Variants in IPCEF1 observed in about 807,000 individuals in gnomAD.
IPCEF1 encodes interactor protein for cytohesin exchange factors 1.
IPCEF1 carries 31 observed loss-of-function variants against 50.9 expected under a neutral mutation model. The ratio of observed to expected loss-of-function variants is 0.61; its 90% CI spans 0.46 to 0.82. IPCEF1 has a LOEUF of 0.82. Among genes scored for constraint, IPCEF1 ranks in the 40% least tolerant of loss-of-function variants. The pLI is 0.00. For missense variants in IPCEF1, 458 were observed against 514.0 expected (o/e 0.89, Z 1.05); for synonymous variants, 181 against 192.0 (o/e 0.94, Z 0.47).
intron 1 of IPCEF1, among the ~76,000 whole-genome samples, chr6:154,322,852 A>G (rs1475098182): frequency 6.6e-6 from 1 of 152,090 alleles, no homozygotes; most frequent in African/African-American, 2.4e-5. Context: ...AAAAAAAATT[A>G]TCTCGAAAGA....
Position 154,249,838 on chromosome 6 carries a change from C to G in IPCEF1, c.37-2350G>C, listed in dbSNP as rs548856633. On this transcript the variant is annotated intron_variant, in intron 3 of 11. Coordinates refer to ENST00000367220, the MANE Select transcript of IPCEF1 (RefSeq NM_001130700.2). ...GCCCAAGACCAACCCTTGGTCTACA[C>G]CACGTTCTTATGCCTAGGATGGGAT... is the stretch of plus-strand genomic sequence containing the variant. Among the ~76,000 whole-genome samples the G allele has an allele frequency of 2.6e-5, 4 of 151,958 alleles. No homozygotes were observed. The South Asian group carries it at 8.3e-4, about 32-fold the overall frequency.
intron 1 of IPCEF1, among the ~76,000 whole-genome samples, chr6:154,342,451 C>T (rs183288465): frequency 6.9e-4 from 105 of 152,332 alleles, no homozygotes; most frequent in African/African-American, 2.5e-3. Flanking sequence ...TCCCTACATG[C>T]CTTCCCCCTT....
chr6:154,333,700 C>T (rs559114958), intron 1 of IPCEF1, among the ~76,000 whole-genome samples: 13 of 148,018 alleles, frequency 8.8e-5, no homozygotes, highest in African/African-American at 2.5e-4. Context: ...ATATATAGTG[C>T]GTTTGTGTAT....
intron 7 of IPCEF1, 65 bp downstream of exon 7, chr6:154,221,192 C>A: frequency 8.9e-7 from 1 of 1,128,456 alleles, no homozygotes; most frequent in Non-Finnish European, 1.3e-6. Context: ...ATTAGAATTC[C>A]AGTACCAGGC....
Position 154,188,539 on chromosome 6 carries a change from C to T in IPCEF1, c.910+11129G>A, listed in dbSNP as rs555204021. ...GTGTGGGTAATTTCACTGGGTGATT[C>T]TAAAAGGTATATGGAGGTTAAAATG... On this transcript the variant is annotated intron_variant, in intron 10 of 11. Coordinates refer to ENST00000367220, the MANE Select transcript of IPCEF1 (RefSeq NM_001130700.2). 2.0e-5 allele frequency among the ~76,000 whole-genome samples: 3 copies of T among 152,258 alleles called. No homozygotes were observed. In the East Asian group the frequency reaches 5.8e-4, roughly 29 times the overall value.
intron 10 of IPCEF1, among the ~76,000 whole-genome samples, chr6:154,192,159 T>C (rs1394561551): frequency 6.6e-6 from 1 of 152,238 alleles, no homozygotes; most frequent in Non-Finnish European, 1.5e-5. Context: ...GATGTATGCC[T>C]ATCTTCAACT....
chr6:154,220,151 G>A (rs1324914885), intron 7 of IPCEF1, among the ~76,000 whole-genome samples: 2 of 152,164 alleles, frequency 1.3e-5, no homozygotes, highest in Non-Finnish European at 2.9e-5. Flanking sequence ...CAGGTTAAGC[G>A]TAAGCTCTGT....
chr6:154,232,437 A>G (rs1779796862), intron 5 of IPCEF1, among the ~76,000 whole-genome samples: 1 of 152,190 alleles, frequency 6.6e-6, no homozygotes, highest in Non-Finnish European at 1.5e-5. Flanking sequence ...CACAGCCTTA[A>G]GAGGAAAATT....
Position 154,278,899 on chromosome 6 carries a change from G to A in IPCEF1, c.-18+10814C>T, listed in dbSNP as rs112596790. 7.7e-3 allele frequency among the ~76,000 whole-genome samples: 1,153 copies of A among 150,336 alleles called. 21 individuals carry two copies. Among genetic ancestry groups the A allele is most frequent in the African/African-American group, 0.027 (1,105 of 40,828 alleles). On this transcript the variant is annotated intron_variant, in intron 2 of 11. Transcript: ENST00000367220. ...GGGAGGCTATGGTGGTGGATTGCTGGAGCTCAGGAGTTTGAGACCAGCCTG... is the reference window on the plus strand; with the variant it reads ...GGGAGGCTATGGTGGTGGATTGCTGAAGCTCAGGAGTTTGAGACCAGCCTG...
chr6:154,322,402 A>C (rs9384203), intron 1 of IPCEF1, among the ~76,000 whole-genome samples: 1,431 of 94,534 alleles, frequency 0.015, 11 homozygotes, highest in Middle Eastern at 0.036. Context: ...ACACACACAC[A>C]CCCCTATGTT....
intron 3 of IPCEF1, among the ~76,000 whole-genome samples, chr6:154,261,194 C>T (rs936854074): frequency 6.6e-6 from 1 of 152,088 alleles, no homozygotes; most frequent in Non-Finnish European, 1.5e-5. Context: ...ACCAATACGC[C>T]TGGCTATTTT....
At chr6:154,294,786 A>G (rs1782598076) in intron 1 of IPCEF1, among the ~76,000 whole-genome samples, 1 of 151,892 alleles carries the variant, frequency 6.6e-6, no homozygotes, top group Admixed American at 6.6e-5. Flanking sequence ...TGTGACAAGA[A>G]CCTGGCTTTT....
At chr6:154,311,959 G>C (rs527297725) in intron 1 of IPCEF1, among the ~76,000 whole-genome samples, 2 of 152,122 alleles carry the variant, frequency 1.3e-5, no homozygotes, top group South Asian at 4.1e-4. Context: ...GATAAATCCT[G>C]GATATTTACC....
At chr6:154,239,114 A>G (rs938082108) in intron 5 of IPCEF1, among the ~76,000 whole-genome samples, 2 of 152,158 alleles carry the variant, frequency 1.3e-5, no homozygotes, top group African/African-American at 2.4e-5. Flanking sequence ...GCCTTCTGAG[A>G]ACAAGACAAA....
intron 1 of IPCEF1, among the ~76,000 whole-genome samples, chr6:154,311,985 C>T (rs1019863228): frequency 1.3e-5 from 2 of 151,474 alleles, no homozygotes; most frequent in African/African-American, 4.9e-5. Flanking sequence ...GAAATGAAAT[C>T]AGTATATTAA....
chr6:154,300,624 A>T (rs1339212100), intron 1 of IPCEF1, among the ~76,000 whole-genome samples: 1 of 152,076 alleles, frequency 6.6e-6, no homozygotes, highest in Non-Finnish European at 1.5e-5. Flanking sequence ...TAAAAACAAC[A>T]AAAAAACACT....
chr6:154,267,765 G>C (rs1781795506), intron 2 of IPCEF1, among the ~76,000 whole-genome samples: 1 of 152,018 alleles, frequency 6.6e-6, no homozygotes, highest in Admixed American at 6.5e-5. Flanking sequence ...GAAGTCTGCA[G>C]CAGCTCTTGG....
intron 1 of IPCEF1, among the ~76,000 whole-genome samples, chr6:154,328,833 T>C (rs1783587439): frequency 6.6e-6 from 1 of 152,148 alleles, no homozygotes. Context: ...TTTAGAAAAA[T>C]TAAGCAATTG....
rs1346001793 is a variant in IPCEF1, at chr6:154,256,431, T to C, written c.37-8943A>G. Among the ~76,000 whole-genome samples, 4 of 152,304 alleles carry C rather than the reference T, an allele frequency of 2.6e-5. No homozygotes were observed. In the South Asian group the frequency reaches 6.2e-4, roughly 24 times the overall value. On this transcript the variant is annotated intron_variant, in intron 3 of 11. Coordinates refer to ENST00000367220, the MANE Select transcript of IPCEF1 (RefSeq NM_001130700.2). The stretch of plus-strand genomic sequence containing the variant: ...AGGGACACAAATATCCAGGCTATGA[T>C]AGAATTTAAATTTGCAGAATTGCAA...
Sources: allele counts gnomAD v4.1 joint callset (sites outside exome capture counted in the v4.1 genomes callset), GRCh38; gene constraint gnomAD v4.1.1; transcripts MANE v1.5; gene names NCBI Gene and HGNC (gene_info 2026-07-23, HGNC 2026-07-21).